PPIL4: variants seen among roughly 807,000 people sequenced by gnomAD.
The protein encoded by PPIL4 is peptidyl-prolyl cis-trans isomerase-like 4.
In PPIL4, 50 loss-of-function variants were observed where a neutral mutation model predicts 69.1. That is an observed-to-expected ratio of 0.72 (90% CI 0.58 to 0.92). PPIL4 has a LOEUF of 0.92. Among genes scored for constraint, PPIL4 ranks in the 40% least tolerant of loss-of-function variants. The pLI, the probability that PPIL4 is intolerant of heterozygous loss-of-function variation, is 0.00. For synonymous variants in PPIL4, 193 were observed against 191.6 expected, an observed-to-expected ratio of 1.01 and a Z score of -0.06; for missense variants, 480 against 587.9, an observed-to-expected ratio of 0.82 and a Z score of 1.90.
chr6:149,509,077 T>G (rs562392289), intron 12 of PPIL4, among the ~76,000 whole-genome samples: 2 of 152,292 alleles, frequency 1.3e-5, no homozygotes, highest in South Asian at 4.1e-4. Flanking sequence ...TGTAGCTATA[T>G]CATTAAATCA....
intron 7 of PPIL4, among the ~76,000 whole-genome samples, chr6:149,532,087 G>C (rs746856260): frequency 6.6e-6 from 1 of 152,144 alleles, no homozygotes; most frequent in African/African-American, 2.4e-5. Context: ...CACTGATTAA[G>C]AGGTAAAGGG....
At chr6:149,533,612 A>T (rs748685637) in intron 6 of PPIL4, 38 bp from the exon 7 acceptor site, 1 of 1,187,694 alleles carries the variant, frequency 8.4e-7, no homozygotes, top group Non-Finnish European at 1.2e-6. Context: ...ATATTTAAAG[A>T]ATAAAAAAAT....
Position 149,513,426 on chromosome 6 carries a change from T to TAC in PPIL4, c.1080-1125_1080-1124insGT, listed in dbSNP as rs1221349148. Among the ~76,000 whole-genome samples the TAC allele has an allele frequency of 3.1e-5, 4 of 128,206 alleles. No homozygotes were observed. The East Asian group carries it at 8.7e-4, about 28-fold the overall frequency. 84.1% of individuals were successfully genotyped at this position (128,206 alleles called of 152,430 possible). A position where few individuals can be genotyped will look rare whatever the true frequency, so the allele number is the denominator to read the frequency against. On this transcript the variant is annotated intron_variant, in intron 11 of 12. Transcript: ENST00000253329. ...AAAAAAAAAAAAATATATATATATA[T>TAC]ATATATATATATACATATAAAAAAT...
At chr6:149,514,452 G>C (rs1468688976) in intron 11 of PPIL4, among the ~76,000 whole-genome samples, 2 of 152,092 alleles carry the variant, frequency 1.3e-5, no homozygotes, top group African/African-American at 2.4e-5. Flanking sequence ...CTCCCAAGTA[G>C]CTGTGATTAC....
At chr6:149,528,657 A>G (rs1777144444) in intron 7 of PPIL4, among the ~76,000 whole-genome samples, 1 of 152,252 alleles carries the variant, frequency 6.6e-6, no homozygotes, top group African/African-American at 2.4e-5. Context: ...AGAAACCCTC[A>G]TTCATTGCTG....
rs993877130 is a variant in PPIL4, at chr6:149,546,042, A to G, written c.-37T>C. The G allele has an allele frequency of 1.2e-5, 18 of 1,550,316 alleles. No individual in the cohort carries two copies. Among genetic ancestry groups the G allele is most frequent in the East Asian group, 9.7e-5 (4 of 41,120 alleles). On this transcript the variant is annotated 5_prime_UTR_variant, in exon 1 of 13. Transcript: ENST00000253329. The stretch of plus-strand genomic sequence containing the variant: ...CTCCTCCGCTACAAACCCCGGGAGG[A>G]GGGGGGTGACAGGCGCAGGCCGACG...
At chr6:149,533,853 G>A (rs1356456331) in intron 6 of PPIL4, among the ~76,000 whole-genome samples, 1 of 152,048 alleles carries the variant, frequency 6.6e-6, no homozygotes, top group Admixed American at 6.6e-5. Context: ...AGCCAAAGTG[G>A]GCTTCTGTTA....
Position 149,512,876 on chromosome 6 carries a change from G to A in PPIL4, c.1080-574C>T, listed in dbSNP as rs573054928. Among the ~76,000 whole-genome samples, 3 of 151,988 alleles carry A rather than the reference G, an allele frequency of 2.0e-5. No individual in the cohort carries two copies. In the South Asian group the frequency reaches 6.2e-4, roughly 32 times the overall value. Reference sequence around the variant, plus strand: ...TCCTGCCTCAGCCTCCCGAGTAGCTGGGACTACAGGCACATGCCACCACGC... The same window carrying A: ...TCCTGCCTCAGCCTCCCGAGTAGCTAGGACTACAGGCACATGCCACCACGC... On this transcript the variant is annotated intron_variant, in intron 11 of 12. Transcript: ENST00000253329.
At chr6:149,519,361 A>AT (rs1399210098) in intron 10 of PPIL4, among the ~76,000 whole-genome samples, 137 of 152,356 alleles carry the variant, frequency 9.0e-4, no homozygotes, top group African/African-American at 3.2e-3. Context: ...AGAGCTCTAC[A>AT]TAAGAGCCAC....
chr6:149,530,615 C>A (rs548888321), intron 7 of PPIL4, among the ~76,000 whole-genome samples: 8 of 147,932 alleles, frequency 5.4e-5, no homozygotes, highest in African/African-American at 2.0e-4. Context: ...GCCAAGATTG[C>A]GCCATTGCTC....
intron 9 of PPIL4, among the ~76,000 whole-genome samples, 174 bp downstream of exon 9, chr6:149,524,969 G>A (rs756684735): frequency 1.3e-5 from 2 of 151,964 alleles, no homozygotes; most frequent in Non-Finnish European, 2.9e-5. Context: ...AAGTACGTAT[G>A]TTAACATCAA....
intron 1 of PPIL4, among the ~76,000 whole-genome samples, chr6:149,544,386 C>T (rs557191788): frequency 3.7e-4 from 56 of 152,166 alleles, no homozygotes; most frequent in Non-Finnish European, 7.4e-4. Flanking sequence ...ACATTTATAT[C>T]CATTAGTCAT....
chr6:149,532,087 G>A (rs746856260), intron 7 of PPIL4, among the ~76,000 whole-genome samples: 1 of 152,144 alleles, frequency 6.6e-6, no homozygotes, highest in Non-Finnish European at 1.5e-5. Context: ...CACTGATTAA[G>A]AGGTAAAGGG....
At chr6:149,543,708 T>C (rs945001997) in intron 1 of PPIL4, among the ~76,000 whole-genome samples, 1 of 152,200 alleles carries the variant, frequency 6.6e-6, no homozygotes, top group Non-Finnish European at 1.5e-5. Flanking sequence ...TTCTTGTTTT[T>C]TTTAAAGAGA....
chr6:149,535,786 C>T (rs1283969601), intron 4 of PPIL4, 48 bp from the exon 5 acceptor site: 1 of 1,370,770 alleles, frequency 7.3e-7, no homozygotes, highest in Non-Finnish European at 1.0e-6. Context: ...ATACATAACT[C>T]AAACTGAAAT....
At chr6:149,544,101 G>A (rs988990368) in intron 1 of PPIL4, among the ~76,000 whole-genome samples, 2 of 151,550 alleles carry the variant, frequency 1.3e-5, no homozygotes, top group Admixed American at 6.6e-5. Flanking sequence ...AATTGGGTGG[G>A]GTAGCTCTAC....
chr6:149,523,902 T>C (rs1162882186), intron 9 of PPIL4, among the ~76,000 whole-genome samples: 1 of 152,196 alleles, frequency 6.6e-6, no homozygotes, highest in East Asian at 1.9e-4. Context: ...GGCACCAATG[T>C]ACCTTGTAAG....
At chr6:149,512,731 C>T (rs1407353015) in intron 11 of PPIL4, among the ~76,000 whole-genome samples, 1 of 152,020 alleles carries the variant, frequency 6.6e-6, no homozygotes, top group Non-Finnish European at 1.5e-5. Flanking sequence ...ATCGAGTTAT[C>T]ATGTTTAAAT....
chr6:149,521,825 G>C (rs762687677), intron 9 of PPIL4, among the ~76,000 whole-genome samples: 1 of 152,164 alleles, frequency 6.6e-6, no homozygotes, highest in Non-Finnish European at 1.5e-5. Flanking sequence ...TGAACTGTGA[G>C]ACTGTAATAC....
Sources: allele counts gnomAD v4.1 joint callset (sites outside exome capture counted in the v4.1 genomes callset), GRCh38; gene constraint gnomAD v4.1.1; transcripts MANE v1.5; gene names NCBI Gene and HGNC (gene_info 2026-07-23, HGNC 2026-07-21).